Variants in PPFIA4 observed in about 807,000 individuals in gnomAD.
PPFIA4 encodes the protein PPFI scaffold protein A4.
A neutral mutation model predicts 145.7 loss-of-function variants in PPFIA4; 98 were observed. The ratio of observed to expected loss-of-function variants is 0.67; its 90% CI spans 0.57 to 0.80. The LOEUF is 0.80. Among genes scored for constraint, PPFIA4 ranks in the 30% least tolerant of loss-of-function variants. The probability of loss-of-function intolerance (pLI) is 0.00; values close to 1 mark genes in which losing one functional copy is unlikely to be tolerated. For missense variants in PPFIA4, 1,457 were observed against 1,632.7 expected (o/e 0.89, Z 1.85); for synonymous variants, 628 against 649.6 (o/e 0.97, Z 0.51).
chr1:203,056,256 C>CA (rs1412825488), intron 17 of PPFIA4, 101 bp downstream of exon 17: 5 of 1,600,402 alleles, frequency 3.1e-6, no homozygotes, highest in Non-Finnish European at 4.3e-6. Context: ...AGTCTGAACT[C>CA]AGAGAGGCAC....
intron 1 of PPFIA4, among the ~76,000 whole-genome samples, chr1:203,032,938 G>C (rs907365779): frequency 6.6e-6 from 1 of 152,118 alleles, no homozygotes; most frequent in African/African-American, 2.4e-5. Context: ...CATGTCTTGG[G>C]AAGAGGTGGC....
intron 9 of PPFIA4, among the ~76,000 whole-genome samples, chr1:203,047,150 T>C (rs1271271721): frequency 6.6e-6 from 1 of 152,214 alleles, no homozygotes. Flanking sequence ...AGGGAGAGGC[T>C]GGCCGGCCAG....
intron 2 of PPFIA4, among the ~76,000 whole-genome samples, chr1:203,042,668 A>T (rs950569968): frequency 2.0e-5 from 3 of 152,228 alleles, no homozygotes; most frequent in Middle Eastern, 6.8e-3. Context: ...ACGGAGGCTC[A>T]CCCTGTCGCC....
intron 9 of PPFIA4, 113 bp downstream of exon 9, chr1:203,046,495 C>T: frequency 1.6e-6 from 2 of 1,278,748 alleles, no homozygotes; most frequent in Non-Finnish European, 2.1e-6. Flanking sequence ...AGCCAGAAAA[C>T]TGCTTCCCGC....
At chr1:203,040,186 GTGTGTC>G (rs1264511955) in intron 2 of PPFIA4, among the ~76,000 whole-genome samples, 1 of 152,244 alleles carries the variant, frequency 6.6e-6, no homozygotes, top group East Asian at 1.9e-4. Context: ...GCTGGGGGTT[GTGTGTC>G]TGTGAGACAG....
At chr1:203,053,712 G>T (rs755689924) in intron 14 of PPFIA4, 41 bp from the exon 15 acceptor site, 40 of 1,513,770 alleles carry the variant, frequency 2.6e-5, no homozygotes, top group South Asian at 6.0e-5. Flanking sequence ...CAGTTATCTG[G>T]GTGTCTTATT....
chr1:203,045,402 T>C lies in PPFIA4; in HGVS notation c.701T>C (p.Leu234Pro), dbSNP rs1470560592. The C allele has an allele frequency of 1.2e-6, 2 of 1,607,502 alleles. No individual in the cohort carries two copies. Among genetic ancestry groups the C allele is most frequent in the Non-Finnish European group, 1.7e-6 (2 of 1,177,812 alleles). ...DTGRVEELQE[L>P]LEKQNFELSQ... is the part of the protein sequence containing the mutation. ...GGCCGGGTAGAGGAGCTGCAGGAGC[T>C]CCTGGAGAAGCAGAACTTTGAGTTG... The change falls in exon 7 of 30, where the codon CTC becomes CCC. Residue 234 changes from leucine to proline, a missense_variant. By Grantham distance (98) the Leu-to-Pro change is moderately conservative (BLOSUM62 -3). Around this residue, in one of 3 missense-constraint regions of PPFIA4, gnomAD observed 463 missense variants for 459.8 expected, o/e 1.01. Coordinates refer to ENST00000295706, the MANE Select transcript of PPFIA4 (RefSeq NM_001304331.2).
intron 6 of PPFIA4, 26 bp from the exon 7 acceptor site, chr1:203,045,342 C>G: frequency 6.5e-7 from 1 of 1,532,730 alleles, no homozygotes; most frequent in Non-Finnish European, 8.8e-7. Context: ...CTGTGACTCA[C>G]AGAGCTACTG....
At chr1:203,071,141 C>T (rs1377978977) in intron 27 of PPFIA4, among the ~76,000 whole-genome samples, 1 of 147,086 alleles carries the variant, frequency 6.8e-6, no homozygotes, top group East Asian at 2.0e-4. Flanking sequence ...TTTTTTGAGA[C>T]AGGGTCTCAG....
intron 1 of PPFIA4, among the ~76,000 whole-genome samples, chr1:203,032,430 T>TTTTGTTGTTGTTG (rs57892403): frequency 2.2e-5 from 3 of 139,382 alleles, no homozygotes; most frequent in Non-Finnish European, 3.1e-5. Flanking sequence ...TCCCCGCTTT[T>TTTTGTTGTTGTTG]TTGTTGTTGT....
At position 203,059,263 on chromosome 1, in the gene PPFIA4, AAAG is replaced by A; in HGVS notation, c.2500_2501+1del. ...CCCAGGCAGAGAAGGACCGGCGGCT[AAAG>A]AAGAAGTAAGAGCCACAGGCCAGGG... On this transcript the variant is annotated inframe_deletion, in exon 20 of 30. Coordinates refer to ENST00000295706, the MANE Select transcript of PPFIA4 (RefSeq NM_001304331.2). 9 of 1,524,756 alleles carry A rather than the reference AAAG, an allele frequency of 5.9e-6. No individual in the cohort carries two copies. Among genetic ancestry groups the A allele is most frequent in the Non-Finnish European group, 7.2e-6 (8 of 1,118,200 alleles). The allele number at this position is 1,524,756 out of a possible 1,614,324, so 94.5% of individuals were successfully genotyped here.
chr1:203,061,750 C>T (rs182829219), intron 24 of PPFIA4, 72 bp downstream of exon 24: 108 of 1,455,880 alleles, frequency 7.4e-5, no homozygotes, highest in African/African-American at 6.7e-4. Flanking sequence ...AGGTTCTCTC[C>T]GCAGCAGGAA....
intron 9 of PPFIA4, among the ~76,000 whole-genome samples, chr1:203,047,113 T>G (rs758329343): frequency 6.6e-6 from 1 of 152,160 alleles, no homozygotes; most frequent in Non-Finnish European, 1.5e-5. Flanking sequence ...AACCGGTGTT[T>G]AGGAAGCACC....
chr1:203,076,146 C>T (rs1662525675), intron 29 of PPFIA4, 195 bp from the exon 30 acceptor site: 2 of 649,142 alleles, frequency 3.1e-6, no homozygotes, highest in Admixed American at 2.8e-5. Context: ...CTGCCCTTGG[C>T]TGCCGGCCTG....
chr1:203,027,757 G>A (rs1329933073), intron 1 of PPFIA4, among the ~76,000 whole-genome samples: 1 of 152,188 alleles, frequency 6.6e-6, no homozygotes, highest in African/African-American at 2.4e-5. Flanking sequence ...TTACAGCCAC[G>A]GAGTAGCTGA....
Position 203,038,890 on chromosome 1 carries a change from C to G in PPFIA4, c.-119C>G. On this transcript the variant is annotated 5_prime_UTR_variant, in exon 2 of 30. Transcript: ENST00000295706. ...TGCTATGGGAGAAGCCCCTGCCCAC[C>G]TGTCCACTCGCCTGGCACTGCCCAC... is the stretch of plus-strand genomic sequence containing the variant. 1 of 619,710 alleles carries G rather than the reference C, an allele frequency of 1.6e-6. No individual in the cohort carries two copies. 38.4% of individuals were successfully genotyped at this position (619,710 alleles called of 1,614,324 possible). A position where few individuals can be genotyped will look rare whatever the true frequency, so the allele number is the denominator to read the frequency against.
At chr1:203,058,013 G>C (rs540897158) in intron 19 of PPFIA4, among the ~76,000 whole-genome samples, 52 of 152,254 alleles carry the variant, frequency 3.4e-4, no homozygotes, top group African/African-American at 1.2e-3. Flanking sequence ...AGCTAGGCTG[G>C]GGCCAGCTGT....
intron 24 of PPFIA4, 45 bp from the exon 25 acceptor site, chr1:203,063,783 C>G: frequency 1.2e-6 from 2 of 1,608,178 alleles, no homozygotes; most frequent in Non-Finnish European, 1.7e-6. Flanking sequence ...CCTGCTGGCT[C>G]TACCTTCCTC....
chr1:203,030,732 A>C (rs1314239690), intron 1 of PPFIA4, among the ~76,000 whole-genome samples: 2 of 152,196 alleles, frequency 1.3e-5, no homozygotes, highest in Non-Finnish European at 2.9e-5. Context: ...CTGTCTCATG[A>C]GCAGCAATAC....
Sources: allele counts gnomAD v4.1 joint callset (sites outside exome capture counted in the v4.1 genomes callset), GRCh38; gene constraint gnomAD v4.1.1; regional missense constraint gnomAD v4.1.1; transcripts MANE v1.5; gene names NCBI Gene and HGNC (gene_info 2026-07-23, HGNC 2026-07-21).